Variants in UBR1 observed in about 807,000 individuals in gnomAD.
The protein encoded by UBR1 is E3 ubiquitin-protein ligase UBR1.
UBR1 carries 102 observed loss-of-function variants against 242.1 expected under a neutral mutation model. The observed-to-expected ratio is 0.42, with a 90% CI of 0.36 to 0.50. UBR1 has a LOEUF of 0.50. UBR1 is among the 20% of genes least tolerant of loss of function. The probability of loss-of-function intolerance (pLI) is 0.01; values close to 1 mark genes in which losing one functional copy is unlikely to be tolerated. For synonymous variants in UBR1, 675 were observed against 684.8 expected (o/e 0.99, Z 0.22); for missense variants, 1,772 against 2,101.8 (o/e 0.84, Z 3.07).
At chr15:43,038,510 C>T (rs2033368028) in intron 15 of UBR1, among the ~76,000 whole-genome samples, 1 of 152,096 alleles carries the variant, frequency 6.6e-6, no homozygotes, top group Non-Finnish European at 1.5e-5. Flanking sequence ...AGGAGAATCG[C>T]TTGAACCTGG....
intron 29 of UBR1, chr15:43,011,911 C>A (rs1171635787): frequency 2.2e-6 from 1 of 453,590 alleles, no homozygotes; most frequent in Non-Finnish European, 4.4e-6. Flanking sequence ...CACTATGCAG[C>A]AGTCATAAAC....
At chr15:43,053,988 G>A (rs1473246419) in intron 12 of UBR1, among the ~76,000 whole-genome samples, 2 of 152,094 alleles carry the variant, frequency 1.3e-5, no homozygotes, top group Non-Finnish European at 2.9e-5. Flanking sequence ...TCAGTCTGCG[G>A]TTGGTTGAAC....
intron 15 of UBR1, among the ~76,000 whole-genome samples, chr15:43,042,018 A>C (rs571922804): frequency 1.3e-5 from 2 of 151,866 alleles, no homozygotes; most frequent in Admixed American, 6.6e-5. Flanking sequence ...TCTGGGGGGG[A>C]AAAAAGGAGA....
chr15:42,960,776 CT>C (rs895798187), intron 42 of UBR1, 75 bp from the exon 43 acceptor site: 5,964 of 1,289,644 alleles, frequency 4.6e-3, no homozygotes, highest in South Asian at 6.3e-3. Context: ...AAGCCATTCT[CT>C]TTTTTTTTTG....
chr15:42,984,728 C>T (rs2032432866), intron 36 of UBR1, among the ~76,000 whole-genome samples, 159 bp downstream of exon 36: 1 of 152,148 alleles, frequency 6.6e-6, no homozygotes, highest in African/African-American at 2.4e-5. Context: ...ACATGCTATT[C>T]AGTTTCCTAT....
chr15:42,998,453 T>TA (rs2032672570), intron 32 of UBR1, among the ~76,000 whole-genome samples, 188 bp from the exon 33 acceptor site: 1 of 152,118 alleles, frequency 6.6e-6, no homozygotes, highest in South Asian at 2.1e-4. Flanking sequence ...ATTTTAAACT[T>TA]ACAAGAAATA....
intron 35 of UBR1, among the ~76,000 whole-genome samples, chr15:42,985,361 T>G (rs2032442253): frequency 6.6e-6 from 1 of 151,740 alleles, no homozygotes; most frequent in Admixed American, 6.6e-5. Flanking sequence ...TGGGTACAAT[T>G]TTTTTTTTGA....
rs2031689735 is a variant in UBR1, at chr15:42,943,881, G to A, written c.*1448C>T. The A allele has an allele frequency of 1.3e-5, 2 of 152,406 alleles. No individual in the cohort carries two copies. The highest frequency in any genetic ancestry group is 1.3e-4 in the Admixed American group (2 of 15,270). 9.4% of individuals were successfully genotyped at this position (152,406 alleles called of 1,614,324 possible). A position where few individuals can be genotyped will look rare whatever the true frequency, so the allele number is the denominator to read the frequency against. ...TATTCAAGTAGAAAATCATGATTGT[G>A]ATTCTGACGCCTGCTCATGCCAATC... On this transcript the variant is annotated 3_prime_UTR_variant, in exon 47 of 47. Transcript: ENST00000290650.
At chr15:43,058,108 C>A (rs976234869) in intron 10 of UBR1, among the ~76,000 whole-genome samples, 4 of 152,206 alleles carry the variant, frequency 2.6e-5, no homozygotes, top group African/African-American at 7.2e-5. Context: ...CGGGGTTTCA[C>A]CGTGTTGGCC....
chr15:42,986,621 C>A (rs1290813006), intron 35 of UBR1, among the ~76,000 whole-genome samples: 1 of 152,214 alleles, frequency 6.6e-6, no homozygotes, highest in Non-Finnish European at 1.5e-5. Flanking sequence ...TAAACCTCAC[C>A]TTTCCTATAT....
intron 29 of UBR1, among the ~76,000 whole-genome samples, chr15:43,010,831 A>T (rs1482419308): frequency 6.6e-6 from 1 of 150,830 alleles, no homozygotes; most frequent in Non-Finnish European, 1.5e-5. Flanking sequence ...AAAAAAAAAA[A>T]AAAAAAAAAA....
chr15:43,048,525 T>C, intron 12 of UBR1, 34 bp from the exon 13 acceptor site: 3 of 1,531,504 alleles, frequency 2.0e-6, no homozygotes, highest in Non-Finnish European at 2.7e-6. Flanking sequence ...ATATTTCATT[T>C]ATCTATTTTG....
intron 1 of UBR1, among the ~76,000 whole-genome samples, chr15:43,086,458 A>T (rs1336765657): frequency 1.3e-5 from 2 of 150,318 alleles, no homozygotes; most frequent in Non-Finnish European, 3.0e-5. Context: ...AAAAAAAAAG[A>T]AGAGTAGCTG....
chr15:43,025,487 C>A, intron 23 of UBR1, 58 bp from the exon 24 acceptor site: 2 of 1,353,154 alleles, frequency 1.5e-6, no homozygotes, highest in Non-Finnish European at 2.1e-6. Context: ...AAATGAAATA[C>A]ATTAAAGCAG....
intron 1 of UBR1, chr15:43,091,906 C>CAAAAAAAA (rs58586323): frequency 5.5e-5 from 10 of 180,314 alleles, no homozygotes; most frequent in East Asian, 3.9e-4. Context: ...TACACCATCT[C>CAAAAAAAA]AAAAAAAAAA....
chr15:42,984,833 G>A, intron 36 of UBR1, 54 bp downstream of exon 36: 1 of 1,451,556 alleles, frequency 6.9e-7, no homozygotes. Flanking sequence ...ATAAACTGTG[G>A]GGGGGAAAAA....
chr15:42,963,799 T>C, intron 42 of UBR1, 136 bp downstream of exon 42: 1 of 670,940 alleles, frequency 1.5e-6, no homozygotes, highest in Non-Finnish European at 2.6e-6. Context: ...TTCTTAAGTG[T>C]GTAACTTAGG....
intron 1 of UBR1, among the ~76,000 whole-genome samples, chr15:43,093,377 G>A (rs1218263870): frequency 1.3e-5 from 2 of 152,046 alleles, no homozygotes; most frequent in African/African-American, 4.8e-5. Context: ...AAACCTGGAG[G>A]CGCTACCATT....
At chr15:42,990,622 T>C (rs1279415112) in intron 33 of UBR1, among the ~76,000 whole-genome samples, 1 of 152,210 alleles carries the variant, frequency 6.6e-6, no homozygotes, top group African/African-American at 2.4e-5. Context: ...ATATTACATA[T>C]ATAGAATTTT....
Sources: allele counts gnomAD v4.1 joint callset (sites outside exome capture counted in the v4.1 genomes callset), GRCh38; gene constraint gnomAD v4.1.1; transcripts MANE v1.5; gene names NCBI Gene and HGNC (gene_info 2026-07-23, HGNC 2026-07-21).